LRRC4C: variants seen among roughly 807,000 people sequenced by gnomAD.
LRRC4C encodes the protein leucine rich repeat containing 4C, also known as leucine-rich repeat-containing protein 4C.
Under a neutral mutation model 33.6 loss-of-function variants are expected in LRRC4C, and 5 were observed. That is an observed-to-expected ratio of 0.15 (90% CI 0.08 to 0.31). LRRC4C has a LOEUF of 0.31. LRRC4C is among the 10% of genes least tolerant of loss of function. The probability of loss-of-function intolerance (pLI) is 1.00; values close to 1 mark genes in which losing one functional copy is unlikely to be tolerated. For synonymous variants in LRRC4C, 329 were observed against 302.0 expected (o/e 1.09, Z -0.93); for missense variants, 560 against 796.7 (o/e 0.70, Z 3.58).
At chr11:40,779,666 A>G (rs1488161335) in intron 2 of LRRC4C, among the ~76,000 whole-genome samples, 1 of 152,148 alleles carries the variant, frequency 6.6e-6, no homozygotes, top group African/African-American at 2.4e-5. Flanking sequence ...GGAATTAGAG[A>G]GTTCCCTTAT....
intron 3 of LRRC4C, among the ~76,000 whole-genome samples, chr11:40,333,429 A>G (rs1719646165): frequency 6.6e-6 from 1 of 152,126 alleles, no homozygotes; most frequent in South Asian, 2.1e-4. Context: ...TTAAAATTGT[A>G]AATATGGCCT....
intron 6 of LRRC4C, among the ~76,000 whole-genome samples, chr11:40,118,791 A>G (rs1276570552): frequency 6.6e-6 from 1 of 152,192 alleles, no homozygotes; most frequent in African/African-American, 2.4e-5. Context: ...CGTCAAACTT[A>G]AGAGTCCCAA....
intron 1 of LRRC4C, among the ~76,000 whole-genome samples, chr11:41,188,870 G>T (rs2136199056): frequency 6.9e-6 from 1 of 145,106 alleles, no homozygotes; most frequent in Admixed American, 6.9e-5. Context: ...GAATTGTAAA[G>T]AAAACTACTT....
chr11:41,259,993 C>T (rs1307926565), intron 1 of LRRC4C, among the ~76,000 whole-genome samples: 1 of 151,928 alleles, frequency 6.6e-6, no homozygotes, highest in Admixed American at 6.6e-5. Context: ...CATCTAATAT[C>T]TGTAGGTGCA....
chr11:40,517,117 C>G (rs1955591979), intron 3 of LRRC4C, among the ~76,000 whole-genome samples: 1 of 152,124 alleles, frequency 6.6e-6, no homozygotes, highest in Admixed American at 6.6e-5. Flanking sequence ...AATGTATTAC[C>G]TCTGGACATT....
At chr11:40,646,704 T>C (rs1942484112) in intron 3 of LRRC4C, among the ~76,000 whole-genome samples, 1 of 152,184 alleles carries the variant, frequency 6.6e-6, no homozygotes, top group African/African-American at 2.4e-5. Context: ...CCCTCCGGGT[T>C]CACGCCATTC....
chr11:40,459,907 G>C (rs1212122035), intron 3 of LRRC4C, among the ~76,000 whole-genome samples: 1 of 152,130 alleles, frequency 6.6e-6, no homozygotes, highest in African/African-American at 2.4e-5. Context: ...GATGCAGCAC[G>C]ATGTTTGCAT....
At chr11:40,152,110 A>T (rs998874006) in intron 5 of LRRC4C, among the ~76,000 whole-genome samples, 2 of 152,108 alleles carry the variant, frequency 1.3e-5, no homozygotes, top group African/African-American at 2.4e-5. Flanking sequence ...GACTCGAGAG[A>T]CACCCCAAAT....
intron 3 of LRRC4C, among the ~76,000 whole-genome samples, chr11:40,613,626 A>G (rs1159312629): frequency 1.3e-5 from 2 of 151,842 alleles, no homozygotes; most frequent in African/African-American, 2.4e-5. Context: ...CAAACATTAA[A>G]CAATTATTTT....
chr11:40,787,791 A>C (rs1950475413), intron 2 of LRRC4C, among the ~76,000 whole-genome samples: 1 of 152,212 alleles, frequency 6.6e-6, no homozygotes, highest in Non-Finnish European at 1.5e-5. Context: ...GTAAAGTCTA[A>C]CCATGCTTTT....
chr11:40,826,594 G>A (rs980310573), intron 2 of LRRC4C, among the ~76,000 whole-genome samples: 2 of 151,812 alleles, frequency 1.3e-5, no homozygotes, highest in African/African-American at 4.8e-5. Flanking sequence ...TATTCAGCTG[G>A]TCAACTAAAA....
chr11:40,841,323 T>C (rs1227316154), intron 2 of LRRC4C, among the ~76,000 whole-genome samples: 3 of 152,166 alleles, frequency 2.0e-5, no homozygotes, highest in Non-Finnish European at 2.9e-5. Context: ...TTATGGCTTG[T>C]CATGGTCAGT....
chr11:40,636,045 C>T (rs1426506706), intron 3 of LRRC4C, among the ~76,000 whole-genome samples: 2 of 152,124 alleles, frequency 1.3e-5, no homozygotes, highest in African/African-American at 4.8e-5. Flanking sequence ...CGATCTCATG[C>T]CCAGTGTGCT....
intron 1 of LRRC4C, among the ~76,000 whole-genome samples, chr11:41,116,789 T>C (rs959900289): frequency 6.6e-6 from 1 of 152,146 alleles, no homozygotes; most frequent in Admixed American, 6.6e-5. Context: ...ATTAAGTTAT[T>C]GACATTATTC....
At chr11:40,313,864 C>T (rs759693296) in intron 4 of LRRC4C, among the ~76,000 whole-genome samples, 1 of 151,904 alleles carries the variant, frequency 6.6e-6, no homozygotes, top group Admixed American at 6.6e-5. Context: ...CCGCCTGCCT[C>T]GGCCTCCCAA....
rs60152534 is a variant in LRRC4C at position 40,766,353 on chromosome 11, TAAAAAAAAA to T, written c.-406-118084_-406-118076del. Among the ~76,000 whole-genome samples the T allele has an allele frequency of 4.8e-3, 162 of 33,920 alleles. 5 individuals carry two copies. Among genetic ancestry groups the T allele is most frequent in the African/African-American group, 0.016 (152 of 9,398 alleles). 22.3% of individuals were successfully genotyped at this position (33,920 alleles called of 152,430 possible). On this transcript the variant is annotated intron_variant, in intron 2 of 6. Transcript: ENST00000528697. ...TGCTAAAGGGAGTTCTTCAGTCTGT[TAAAAAAAAA>T]AAAAAAAAAAAAAAAAAGAAGATAA...
At chr11:41,377,808 A>G (rs1952993934) in intron 1 of LRRC4C, among the ~76,000 whole-genome samples, 1 of 152,194 alleles carries the variant, frequency 6.6e-6, no homozygotes, top group African/African-American at 2.4e-5. Flanking sequence ...CAATAATCTG[A>G]TGCCACTCAG....
chr11:40,311,235 G>A (rs1251015937), intron 4 of LRRC4C, among the ~76,000 whole-genome samples: 2 of 152,130 alleles, frequency 1.3e-5, no homozygotes, highest in African/African-American at 4.8e-5. Context: ...ATGCGTATAT[G>A]GGCAAGCGTA....
chr11:41,395,385 A>T (rs745924516), intron 1 of LRRC4C, among the ~76,000 whole-genome samples: 2 of 151,960 alleles, frequency 1.3e-5, no homozygotes, highest in African/African-American at 2.4e-5. Flanking sequence ...AGGTCTGGAG[A>T]CGTGTGGGTT....
Sources: allele counts gnomAD v4.1 joint callset (sites outside exome capture counted in the v4.1 genomes callset), GRCh38; gene constraint gnomAD v4.1.1; transcripts MANE v1.5; gene names NCBI Gene and HGNC (gene_info 2026-07-23, HGNC 2026-07-21).